TBC1D9B: variants seen among roughly 807,000 people sequenced by gnomAD.
TBC1D9B encodes TBC1 domain family member 9B.
A neutral mutation model predicts 121.1 loss-of-function variants in TBC1D9B; 87 were observed. That is an observed-to-expected ratio of 0.72 (90% CI 0.60 to 0.86). TBC1D9B has a LOEUF of 0.86. TBC1D9B is among the 40% of genes least tolerant of loss of function. The probability of loss-of-function intolerance (pLI) is 0.00; values close to 1 mark genes in which losing one functional copy is unlikely to be tolerated. For missense variants in TBC1D9B, 1,540 were observed against 1,628.6 expected (o/e 0.95, Z 0.94); for synonymous variants, 668 against 670.1 (o/e 1.00, Z 0.05).
rs1406139190 is a variant in TBC1D9B, at chr5:179,907,662, A to C, written c.118+42T>G. ...CCGCCGCCAGCCCCGCCGCCAGCCC[A>C]GCCGCGGCGCCCACAGGCCCGGCCG... On this transcript the variant is annotated intron_variant, in intron 1 of 20. Transcript: ENST00000355235. This position sits in a 1 kb window ranked among gnomAD's most constrained non-coding sequence, Gnocchi z 5.3. The C allele has an allele frequency of 1.1e-6, 1 of 940,182 alleles. No individual in the cohort carries two copies. 58.2% of individuals were successfully genotyped at this position (940,182 alleles called of 1,614,324 possible).
chr5:179,869,611 G>T, intron 17 of TBC1D9B, 158 bp downstream of exon 17: 1 of 795,672 alleles, frequency 1.3e-6, no homozygotes, highest in Non-Finnish European at 2.1e-6. Context: ...TCTGTGAAGT[G>T]CTCAAGCTCC....
At chr5:179,864,400 G>A (rs531002188) in intron 20 of TBC1D9B, among the ~76,000 whole-genome samples, 5 of 152,220 alleles carry the variant, frequency 3.3e-5, no homozygotes, top group African/African-American at 1.2e-4. Flanking sequence ...TTCTAGGTCC[G>A]TTCTGTTGGC....
At chr5:179,877,917 G>A (rs1760406432) in intron 10 of TBC1D9B, among the ~76,000 whole-genome samples, 1 of 152,180 alleles carries the variant, frequency 6.6e-6, no homozygotes, top group Non-Finnish European at 1.5e-5. Context: ...TGTTTAATGG[G>A]CACAGAGCTG....
At chr5:179,895,317 C>G (rs999694225) in intron 3 of TBC1D9B, among the ~76,000 whole-genome samples, 4 of 152,248 alleles carry the variant, frequency 2.6e-5, no homozygotes, top group African/African-American at 4.8e-5. Flanking sequence ...TCCTTCCAGA[C>G]ATGCAAACAC....
chr5:179,869,809 T>C lies in TBC1D9B; in HGVS notation c.2751A>G (p.Thr917=). 1 of 1,571,984 alleles carries C rather than the reference T, an allele frequency of 6.4e-7. No homozygotes were observed. Among genetic ancestry groups the C allele is most frequent in the Non-Finnish European group, 8.6e-7 (1 of 1,156,686 alleles). Residue 917 remains threonine (T), a synonymous_variant, in exon 17 of 21, where the codon ACA becomes ACG. Coordinates refer to ENST00000355235, the MANE Select transcript of TBC1D9B (RefSeq NM_015043.4). ...GCTTGTAGAGCACCTTGAGCTTCTC[T>C]GTCAGGTCCCCGTGGTACATCCCGC... The part of the protein sequence containing the change: ...GMSGMYHGDL[T]EKLKVLYKLH...
intron 1 of TBC1D9B, among the ~76,000 whole-genome samples, chr5:179,905,013 C>T (rs1020315221): frequency 1.3e-5 from 2 of 152,340 alleles, no homozygotes; most frequent in Middle Eastern, 3.4e-3. Context: ...CCTTCTACTT[C>T]TTCCTGGAAG....
rs768483268 is a variant in TBC1D9B at position 179,863,828 on chromosome 5, G to C, written c.3322C>G (p.Gln1108Glu). Residue 1108 changes from glutamine (Q) to glutamate (E), a missense_variant, in exon 21 of 21, where the codon CAG (glutamine) becomes GAG (glutamate). Physicochemically the swap from Gln to Glu is conservative, Grantham distance 29. Transcript: ENST00000355235. This position sits in a 1 kb window ranked among gnomAD's most constrained non-coding sequence, Gnocchi z 4.5. ...CCGCTGCCCCCCTCCACCACCACCTGGCTCTCCTGTGGGGCTTTTCCGAGG... is the reference window on the plus strand; with the variant it reads ...CCGCTGCCCCCCTCCACCACCACCTCGCTCTCCTGTGGGGCTTTTCCGAGG... ...THLGKAPQES[Q>E]VVVEGGSGEG... 57 of 1,613,652 alleles carry C rather than the reference G, an allele frequency of 3.5e-5. No individual in the cohort carries two copies. In the East Asian group the frequency reaches 1.2e-3, roughly 35 times the overall value.
At chr5:179,869,466 G>A (rs1348732949) in intron 17 of TBC1D9B, 2 of 577,642 alleles carry the variant, frequency 3.5e-6, no homozygotes, top group Admixed American at 4.6e-5. Context: ...CAGCCCTGAA[G>A]CTCCACTCAT....
In TBC1D9B at chr5:179,890,397, C is replaced by T. The variant is rs181691619; in HGVS notation, c.1044+982G>A. Among the ~76,000 whole-genome samples, 57 of 150,754 alleles carry T rather than the reference C, an allele frequency of 3.8e-4. 1 individual carries two copies. In the East Asian group the frequency reaches 0.01, roughly 28 times the overall value. ...ACGGAGCCTCAGGTGTCAGGAAGAC[C>T]CCTAGGCCTGGGGGACAGGTCAGTA... On this transcript the variant is annotated intron_variant, in intron 6 of 20. Coordinates refer to ENST00000355235, the MANE Select transcript of TBC1D9B (RefSeq NM_015043.4). The surrounding 1 kb of genome is among the most constrained non-coding windows in gnomAD (Gnocchi z 5.0).
At chr5:179,900,931 A>G (rs1003473892) in intron 2 of TBC1D9B, among the ~76,000 whole-genome samples, 1 of 152,060 alleles carries the variant, frequency 6.6e-6, no homozygotes, top group Non-Finnish European at 1.5e-5. Flanking sequence ...TGCCAGCTGG[A>G]GACAGCTCTG....
Position 179,879,705 on chromosome 5 carries a change from C to G in TBC1D9B, c.1339G>C (p.Glu447Gln), listed in dbSNP as rs1561639637. ...AGGCCCTGGGATGCGGTTGGCGCCT[C>G]CTGCGCACAGAAGCTCTGGCGGCTG... ...LSSRQSFCAQ[E>Q]APTASQGLLK... The change falls in exon 8 of 21, where the codon GAG becomes CAG. Residue 447 changes from glutamate to glutamine, a missense_variant. By Grantham distance (29) the Glu-to-Gln change is conservative. Coordinates refer to ENST00000355235, the MANE Select transcript of TBC1D9B (RefSeq NM_015043.4). The G allele has an allele frequency of 2.5e-6, 4 of 1,614,102 alleles. No homozygotes were observed. Among genetic ancestry groups the G allele is most frequent in the Non-Finnish European group, 3.4e-6 (4 of 1,180,048 alleles).
intron 2 of TBC1D9B, among the ~76,000 whole-genome samples, chr5:179,900,158 T>A (rs1251939740): frequency 6.6e-6 from 1 of 152,106 alleles, no homozygotes; most frequent in Non-Finnish European, 1.5e-5. Context: ...AGGCGGAGGC[T>A]ACAGTGCAGC....
intron 20 of TBC1D9B, among the ~76,000 whole-genome samples, chr5:179,864,837 A>G (rs1261164541): frequency 1.3e-5 from 2 of 152,122 alleles, no homozygotes; most frequent in Non-Finnish European, 2.9e-5. Flanking sequence ...GGGGTCTCCC[A>G]TTTTCTGGCT....
chr5:179,906,900 G>A (rs1272469359), intron 1 of TBC1D9B, among the ~76,000 whole-genome samples: 1 of 152,232 alleles, frequency 6.6e-6, no homozygotes, highest in Non-Finnish European at 1.5e-5. Context: ...CAGGCACTGA[G>A]CCCGAGCCAG....
At chr5:179,881,605 C>T (rs1318347717) in intron 7 of TBC1D9B, among the ~76,000 whole-genome samples, 1 of 152,090 alleles carries the variant, frequency 6.6e-6, no homozygotes, top group Admixed American at 6.6e-5. Context: ...AAATTCTAGC[C>T]CTCCCAGAAG....
At chr5:179,886,013 C>T (rs1002907176) in intron 7 of TBC1D9B, among the ~76,000 whole-genome samples, 1 of 152,234 alleles carries the variant, frequency 6.6e-6, no homozygotes, top group Non-Finnish European at 1.5e-5. Flanking sequence ...TTGCTGTGCT[C>T]TCTGCCTCCA....
At chr5:179,895,903 G>C (rs1007731900) in intron 3 of TBC1D9B, among the ~76,000 whole-genome samples, 33 of 152,146 alleles carry the variant, frequency 2.2e-4, no homozygotes, top group African/African-American at 7.5e-4. Context: ...TGAGCTGAAG[G>C]CAATTAAGTA....
intron 10 of TBC1D9B, among the ~76,000 whole-genome samples, chr5:179,876,588 T>A (rs2113616117): frequency 6.6e-6 from 1 of 152,292 alleles, no homozygotes; most frequent in Non-Finnish European, 1.5e-5. Flanking sequence ...AATGCCTAGA[T>A]TTAAAATCAA....
rs540208285 is a variant in TBC1D9B, at chr5:179,870,122, G to A, written c.2725+133C>T. On this transcript the variant is annotated intron_variant, in intron 16 of 20. Coordinates refer to ENST00000355235, the MANE Select transcript of TBC1D9B (RefSeq NM_015043.4). ...CTCCCGTGGGTAAACTGTTCTTCCC[G>A]TATCTAGGGCCAGGGGCTCAAGCTG... 182 of 1,444,548 alleles carry A rather than the reference G, an allele frequency of 1.3e-4. 4 individuals carry two copies. In the South Asian group the frequency reaches 2.0e-3, roughly 16 times the overall value. The allele number at this position is 1,444,548 out of a possible 1,614,324, so 89.5% of individuals were successfully genotyped here.
Sources: allele counts gnomAD v4.1 joint callset (sites outside exome capture counted in the v4.1 genomes callset), GRCh38; gene constraint gnomAD v4.1.1; non-coding constraint Gnocchi (gnomAD v3.1); transcripts MANE v1.5; gene names NCBI Gene and HGNC (gene_info 2026-07-23, HGNC 2026-07-21).